The following INVS variants were observed in gnomAD, a reference collection of about 807,000 sequenced individuals.
INVS encodes inversion of embryo turning homolog.
A neutral mutation model predicts 108.8 loss-of-function variants in INVS; 86 were observed. That is an observed-to-expected ratio of 0.79 (90% CI 0.66 to 0.95). The LOEUF (loss-of-function observed/expected upper bound fraction) is 0.95, where lower values mean the gene tolerates loss of function less well. Among genes scored for constraint, INVS ranks in the 40% least tolerant of loss-of-function variants. INVS has a pLI of 0.00. For synonymous variants in INVS, 455 were observed against 473.5 expected (o/e 0.96, Z 0.51); for missense variants, 1,169 against 1,297.4 (o/e 0.90, Z 1.52).
intron 5 of INVS, among the ~76,000 whole-genome samples, chr9:100,238,463 A>G (rs1269479840): frequency 1.3e-5 from 2 of 152,150 alleles, no homozygotes; most frequent in Admixed American, 6.5e-5. Context: ...CCTGTTTGGT[A>G]TACATTCTGA....
At chr9:100,118,353 C>T (rs1001171613) in intron 2 of INVS, among the ~76,000 whole-genome samples, 13 of 151,314 alleles carry the variant, frequency 8.6e-5, no homozygotes, top group Middle Eastern at 3.4e-3. Flanking sequence ...GGATTACAGA[C>T]GCCCGCCACC....
intron 3 of INVS, among the ~76,000 whole-genome samples, chr9:100,182,626 AAAC>A (rs1829926872): frequency 6.6e-6 from 1 of 152,190 alleles, no homozygotes; most frequent in Non-Finnish European, 1.5e-5. Flanking sequence ...AAAAGTCAGG[AAAC>A]AACAGGTGCT....
chr9:100,117,322 G>A (rs2118863589), intron 2 of INVS: 2 of 730,984 alleles, frequency 2.7e-6, no homozygotes, highest in South Asian at 1.4e-5. Context: ...TCAAAATCTC[G>A]TCCTTGAGAG....
intron 7 of INVS, among the ~76,000 whole-genome samples, chr9:100,243,874 A>G (rs2806688): frequency 0.51 from 77,274 of 151,826 alleles, 20,649 homozygotes; most frequent in African/African-American, 0.6. Context: ...AGCCGGGCGA[A>G]GTGGCTGGCG....
intron 11 of INVS, among the ~76,000 whole-genome samples, chr9:100,272,148 G>A (rs1271671478): frequency 6.6e-6 from 1 of 152,180 alleles, no homozygotes; most frequent in Non-Finnish European, 1.5e-5. Flanking sequence ...GATTACAGGC[G>A]TGAGCCTCTG....
At chr9:100,179,433 G>C (rs984780964) in intron 3 of INVS, among the ~76,000 whole-genome samples, 2 of 151,714 alleles carry the variant, frequency 1.3e-5, no homozygotes, top group Non-Finnish European at 2.9e-5. Context: ...GAAAATAAAG[G>C]GATAGAGGAA....
intron 3 of INVS, among the ~76,000 whole-genome samples, chr9:100,138,649 A>G (rs937112238): frequency 6.6e-6 from 1 of 150,936 alleles, no homozygotes; most frequent in Admixed American, 6.6e-5. Flanking sequence ...TTAACCTTGA[A>G]ATTTTATTGA....
intron 3 of INVS, among the ~76,000 whole-genome samples, chr9:100,149,208 A>T (rs1828728481): frequency 6.6e-6 from 1 of 152,228 alleles, no homozygotes; most frequent in Non-Finnish European, 1.5e-5. Context: ...CAAGCTATGT[A>T]GCGAATGGGT....
chr9:100,233,068 A>G (rs1831563645), intron 5 of INVS, among the ~76,000 whole-genome samples: 1 of 151,706 alleles, frequency 6.6e-6, no homozygotes, highest in Non-Finnish European at 1.5e-5. Flanking sequence ...GGGAACTACA[A>G]TGTGAAGAAG....
intron 3 of INVS, among the ~76,000 whole-genome samples, chr9:100,187,115 GT>G (rs1341637297): frequency 2.6e-5 from 4 of 151,952 alleles, no homozygotes; most frequent in East Asian, 1.9e-4. Context: ...TGAATAGGGT[GT>G]TTTTTCCCCA....
intron 11 of INVS, among the ~76,000 whole-genome samples, chr9:100,265,374 A>G (rs923689952): frequency 2.6e-5 from 4 of 152,248 alleles, no homozygotes; most frequent in Admixed American, 2.6e-4. Flanking sequence ...ACTAAGAAAT[A>G]CTGAGCCAGA....
At chr9:100,209,578 G>A (rs552780937) in intron 3 of INVS, among the ~76,000 whole-genome samples, 56 of 151,974 alleles carry the variant, frequency 3.7e-4, no homozygotes, top group Non-Finnish European at 7.9e-4. Context: ...AGACCATCCT[G>A]GCTAACACAG....
intron 10 of INVS, among the ~76,000 whole-genome samples, chr9:100,258,364 C>T (rs752141423): frequency 7.9e-5 from 12 of 152,242 alleles, no homozygotes; most frequent in African/African-American, 2.4e-4. Flanking sequence ...TCCTTTAGCT[C>T]GGAGAAGTTT....
intron 3 of INVS, among the ~76,000 whole-genome samples, chr9:100,210,572 T>C (rs527715303): frequency 6.6e-6 from 1 of 152,318 alleles, no homozygotes; most frequent in East Asian, 1.9e-4. Context: ...CAAGGACATC[T>C]TGGGGAAGTC....
intron 3 of INVS, among the ~76,000 whole-genome samples, chr9:100,156,977 T>C (rs1239113873): frequency 1.3e-5 from 2 of 150,628 alleles, no homozygotes; most frequent in Non-Finnish European, 3.0e-5. Context: ...GGGATATTCA[T>C]TCATCATTGT....
chr9:100,240,295 T>C, intron 6 of INVS, 55 bp downstream of exon 6: 1 of 1,346,504 alleles, frequency 7.4e-7, no homozygotes, highest in South Asian at 1.2e-5. Flanking sequence ...TAGGAATATT[T>C]CTGTGCCTTC....
In INVS at chr9:100,161,696, T is replaced by C. The variant is rs76507095; in HGVS notation, c.273+35147T>C. On this transcript the variant is annotated intron_variant, in intron 3 of 16. Transcript: ENST00000262457. ...TAGACCTTGGGGCAGAAGGTTAGGATTGGATTGCAGGAGCAAGACAGAAAA... is the reference window on the plus strand; with the variant it reads ...TAGACCTTGGGGCAGAAGGTTAGGACTGGATTGCAGGAGCAAGACAGAAAA... Among the ~76,000 whole-genome samples, 70 of 152,166 alleles carry C rather than the reference T, an allele frequency of 4.6e-4. No homozygotes were observed. The East Asian group carries it at 0.012, about 26-fold the overall frequency.
Position 100,229,770 on chromosome 9 carries a change from T to G in INVS, c.558T>G (p.Leu186=). 1 of 1,614,162 alleles carries G rather than the reference T, an allele frequency of 6.2e-7. No homozygotes were observed. Among genetic ancestry groups the G allele is most frequent in the Non-Finnish European group, 8.5e-7 (1 of 1,180,006 alleles). Residue 186 remains leucine (L), a synonymous_variant, in exon 5 of 17, where the codon CTT becomes CTG. Transcript: ENST00000262457. ...CTGATGTTGAAGGCAAGATCCCACT[T>G]CACTGGGCAGCCAACCATAAAGATC... ...GIPDVEGKIP[L]HWAANHKDPS...
At chr9:100,275,081 A>T (rs74420463) in intron 12 of INVS, among the ~76,000 whole-genome samples, 2 of 152,292 alleles carry the variant, frequency 1.3e-5, no homozygotes, top group African/African-American at 4.8e-5. Flanking sequence ...ATGGCATCCG[A>T]GGAAATACTA....
Sources: allele counts gnomAD v4.1 joint callset (sites outside exome capture counted in the v4.1 genomes callset), GRCh38; gene constraint gnomAD v4.1.1; transcripts MANE v1.5; gene names NCBI Gene and HGNC (gene_info 2026-07-23, HGNC 2026-07-21).